The following LRIG3 variants were observed in gnomAD, a reference collection of about 807,000 sequenced individuals.
LRIG3 encodes leucine rich repeats and immunoglobulin like domains 3.
LRIG3 carries 76 observed loss-of-function variants against 114.5 expected under a neutral mutation model. The ratio of observed to expected loss-of-function variants is 0.66; its 90% confidence interval spans 0.55 to 0.80. LRIG3 has a LOEUF of 0.80. Ranked by LOEUF, LRIG3 falls within the 30% of genes least tolerant of loss-of-function variation. LRIG3 has a pLI of 0.00. For missense variants in LRIG3, 1,239 were observed against 1,382.8 expected (o/e 0.90, Z 1.65); for synonymous variants, 512 against 519.8 (o/e 0.98, Z 0.20).
intron 3 of LRIG3, 28 bp downstream of exon 3, chr12:58,913,954 A>G: frequency 1.3e-6 from 2 of 1,591,240 alleles, no homozygotes; most frequent in South Asian, 1.1e-5. Context: ...GCAAACATAC[A>G]TGAGGAATTC....
chr12:58,919,694 G>A, intron 1 of LRIG3: 1 of 1,038,084 alleles, frequency 9.6e-7, no homozygotes, highest in South Asian at 1.7e-5. Flanking sequence ...TGAACCCCTT[G>A]GCTAGCTTAG....
At chr12:58,882,148 A>G (rs1168095262) in intron 12 of LRIG3, among the ~76,000 whole-genome samples, 1 of 152,238 alleles carries the variant, frequency 6.6e-6, no homozygotes, top group Non-Finnish European at 1.5e-5. Flanking sequence ...TTAATATTTT[A>G]ACACCCATGC....
intron 16 of LRIG3, 29 bp from the exon 17 acceptor site, chr12:58,874,602 C>T (rs774090665): frequency 6.2e-7 from 1 of 1,611,916 alleles, no homozygotes. Context: ...AGTCAATGAT[C>T]CAATTATTCA....
At chr12:58,883,957 A>C (rs1871195377) in intron 10 of LRIG3, among the ~76,000 whole-genome samples, 1 of 152,224 alleles carries the variant, frequency 6.6e-6, no homozygotes, top group East Asian at 1.9e-4. Context: ...AAATAAAAAT[A>C]ATTATGCTTT....
chr12:58,887,966 A>G, intron 7 of LRIG3, 34 bp from the exon 8 acceptor site: 4 of 1,584,842 alleles, frequency 2.5e-6, no homozygotes, highest in Non-Finnish European at 3.5e-6. Context: ...AATAGCTTTT[A>G]TTTTTCAATT....
At chr12:58,876,364 T>G (rs1051181552) in intron 16 of LRIG3, 81 bp downstream of exon 16, 9 of 1,468,294 alleles carry the variant, frequency 6.1e-6, no homozygotes, top group Middle Eastern at 1.8e-4. Context: ...ATCAATGTCT[T>G]GTGAAAATGA....
chr12:58,878,387 G>A (rs1871001480), intron 14 of LRIG3, among the ~76,000 whole-genome samples: 1 of 152,100 alleles, frequency 6.6e-6, no homozygotes, highest in East Asian at 1.9e-4. Context: ...CATTTGTTTA[G>A]GTAAAAGATG....
At chr12:58,900,011 G>A (rs1871786262) in intron 3 of LRIG3, among the ~76,000 whole-genome samples, 1 of 152,122 alleles carries the variant, frequency 6.6e-6, no homozygotes, top group African/African-American at 2.4e-5. Flanking sequence ...GATTTCAGAA[G>A]ATGTTGCCCC....
chr12:58,916,692 GA>G (rs1385569735), intron 1 of LRIG3, among the ~76,000 whole-genome samples: 1 of 152,192 alleles, frequency 6.6e-6, no homozygotes, highest in Non-Finnish European at 1.5e-5. Flanking sequence ...TGGGGTTAAT[GA>G]ATGGGAAAGG....
intron 3 of LRIG3, among the ~76,000 whole-genome samples, chr12:58,905,623 C>T (rs1335331895): frequency 2.0e-5 from 3 of 152,072 alleles, no homozygotes; most frequent in Non-Finnish European, 4.4e-5. Context: ...GAGGTGATTG[C>T]GTCATGAGGG....
Position 58,890,078 on chromosome 12 carries a change from T to C in LRIG3, c.577A>G (p.Thr193Ala). 6.2e-7 allele frequency: 1 copy of C among 1,613,946 alleles called. No homozygotes were observed. The highest frequency in any genetic ancestry group is 8.5e-7 in the Non-Finnish European group (1 of 1,179,880). ...CTGTTCAGCTTTAACACAAGGAGTGTGTTGGCCAAATTGTCAAAATACCCA... is the reference window on the plus strand; with the variant it reads ...CTGTTCAGCTTTAACACAAGGAGTGCGTTGGCCAAATTGTCAAAATACCCA... ...EPGYFDNLAN[T>A]LLVLKLNRNR... is the part of the protein sequence containing the mutation. Residue 193 changes from threonine (T) to alanine (A), a missense_variant, in exon 5 of 19, where the codon ACA becomes GCA. Thr to Ala is a moderately conservative substitution (Grantham distance 58). Transcript: ENST00000320743.
At chr12:58,873,928 T>C in intron 18 of LRIG3, 127 bp downstream of exon 18, 2 of 1,080,558 alleles carry the variant, frequency 1.9e-6, no homozygotes, top group South Asian at 1.5e-5. Flanking sequence ...ACTAGTCGGA[T>C]GTCATGGCAG....
At chr12:58,905,332 T>C (rs1872021382) in intron 3 of LRIG3, among the ~76,000 whole-genome samples, 1 of 152,230 alleles carries the variant, frequency 6.6e-6, no homozygotes, top group Non-Finnish European at 1.5e-5. Flanking sequence ...CTTACAGTGT[T>C]TGTCACAAAT....
chr12:58,886,587 C>T (rs926416126), intron 9 of LRIG3, among the ~76,000 whole-genome samples: 2 of 152,078 alleles, frequency 1.3e-5, no homozygotes, highest in Non-Finnish European at 2.9e-5. Flanking sequence ...AAGTAAATTA[C>T]ACATACTAAA....
intron 3 of LRIG3, among the ~76,000 whole-genome samples, chr12:58,904,800 GCCA>G (rs1871998522): frequency 6.6e-6 from 1 of 152,154 alleles, no homozygotes; most frequent in Non-Finnish European, 1.5e-5. Context: ...TATGCTACAT[GCCA>G]GGGTTGCAAT....
chr12:58,903,077 T>G (rs1298381094), intron 3 of LRIG3, among the ~76,000 whole-genome samples: 1 of 152,194 alleles, frequency 6.6e-6, no homozygotes, highest in Non-Finnish European at 1.5e-5. Context: ...GTCCTTTGGG[T>G]ATATACCCAG....
chr12:58,898,634 T>C (rs1248781196), intron 3 of LRIG3, among the ~76,000 whole-genome samples: 3 of 152,158 alleles, frequency 2.0e-5, no homozygotes, highest in Admixed American at 1.3e-4. Flanking sequence ...TGGGTGTGTA[T>C]AGTTTAGGTT....
At chr12:58,917,323 C>T (rs1202455737) in intron 1 of LRIG3, among the ~76,000 whole-genome samples, 1 of 152,218 alleles carries the variant, frequency 6.6e-6, no homozygotes, top group Non-Finnish European at 1.5e-5. Context: ...GGCAATTTAG[C>T]AACTTTTCCG....
In LRIG3 at chr12:58,894,579, C is replaced by G. The variant is rs147409571; in HGVS notation, c.384-3783G>C. 2.4e-3 allele frequency among the ~76,000 whole-genome samples: 363 copies of G among 151,812 alleles called. 7 individuals carry two copies. Among genetic ancestry groups the G allele is most frequent in the African/African-American group, 8.5e-3 (352 of 41,448 alleles). On this transcript the variant is annotated intron_variant, in intron 3 of 18. Coordinates refer to ENST00000320743, the MANE Select transcript of LRIG3 (RefSeq NM_153377.5). ...TGGAGTTGGTCAAAAATACCCACTT[C>G]TAGTAGACAGAGATTCAACTCAACC...
Sources: allele counts gnomAD v4.1 joint callset (sites outside exome capture counted in the v4.1 genomes callset), GRCh38; gene constraint gnomAD v4.1.1; transcripts MANE v1.5; gene names NCBI Gene and HGNC (gene_info 2026-07-23, HGNC 2026-07-21).